The following RANBP2 variants were observed in gnomAD, a reference collection of about 807,000 sequenced individuals.
The protein encoded by RANBP2 is E3 SUMO-protein ligase RanBP2.
In RANBP2, 57 loss-of-function variants were observed where a neutral mutation model predicts 303.6. The observed-to-expected ratio is 0.19, with a 90% CI of 0.15 to 0.23. RANBP2 has a LOEUF of 0.23. Among genes scored for constraint, RANBP2 ranks in the 10% least tolerant of loss-of-function variants. The pLI is 1.00. For missense variants in RANBP2, 3,138 were observed against 3,780.8 expected (o/e 0.83, Z 4.46); for synonymous variants, 1,167 against 1,301.5 (o/e 0.90, Z 2.23).
chr2:109,734,869 A>G, the RANBP2 span, among the ~76,000 whole-genome samples: 1 of 151,992 alleles, frequency 6.6e-6, no homozygotes, highest in South Asian at 2.1e-4. Context: ...TTTCTTTTTT[A>G]TTTTTAATTG....
chr2:109,622,815 C>A, the RANBP2 span, among the ~76,000 whole-genome samples: 1 of 152,166 alleles, frequency 6.6e-6, no homozygotes, highest in Admixed American at 6.5e-5. Context: ...AATTTGCAAC[C>A]CACTAAAAGA....
At chr2:109,516,601 A>G in the RANBP2 span, among the ~76,000 whole-genome samples, 1 of 152,136 alleles carries the variant, frequency 6.6e-6, no homozygotes, top group Non-Finnish European at 1.5e-5. Flanking sequence ...AGCCACCCCA[A>G]CGCAAGGGAG....
the RANBP2 span, among the ~76,000 whole-genome samples, chr2:109,599,734 TAA>T: frequency 4.6e-5 from 7 of 152,208 alleles, no homozygotes; most frequent in Admixed American, 4.6e-4. Context: ...GCAGTTCATA[TAA>T]AAGAGTTAAG....
the RANBP2 span, among the ~76,000 whole-genome samples, chr2:108,988,057 A>G: frequency 6.6e-6 from 1 of 152,234 alleles, no homozygotes; most frequent in Non-Finnish European, 1.5e-5. Flanking sequence ...ACTGGGGAAG[A>G]GGACGGTGGT....
At chr2:109,077,513 A>G in the RANBP2 span, among the ~76,000 whole-genome samples, 1 of 144,686 alleles carries the variant, frequency 6.9e-6, no homozygotes, top group Non-Finnish European at 1.5e-5. Context: ...AATCAATGAA[A>G]TGAAAAAGCA....
chr2:109,315,899 G>T, the RANBP2 span, among the ~76,000 whole-genome samples: 2 of 152,166 alleles, frequency 1.3e-5, no homozygotes, highest in Non-Finnish European at 1.5e-5. Flanking sequence ...CGTCACCTGC[G>T]ACCAGCATAG....
the RANBP2 span, among the ~76,000 whole-genome samples, chr2:109,671,218 G>A: frequency 6.6e-6 from 1 of 152,230 alleles, no homozygotes. Context: ...TGGTCCTGCA[G>A]CTTGCCTCGC....
Position 108,740,602 on chromosome 2 carries a change from A to T in RANBP2, c.896A>T (p.Lys299Met). Residue 299 changes from lysine (K) to methionine (M), a missense_variant, in exon 7 of 29, where the codon AAG becomes ATG. Around this residue, in one of 20 missense-constraint regions of RANBP2, gnomAD observed 306 missense variants for 381.9 expected, o/e 0.80. Transcript: ENST00000283195. ...FYMHAGSLLL[K>M]MGQHSSNVQW... ...ATGCATGCTGGTTCTCTGCTTTTGA[A>T]GATGGGTCAGCATAGTAGTAATGTT... is the stretch of plus-strand genomic sequence containing the variant. The T allele has an allele frequency of 6.3e-7, 1 of 1,597,562 alleles. No homozygotes were observed.
At chr2:109,606,282 G>A in the RANBP2 span, among the ~76,000 whole-genome samples, 613 of 152,152 alleles carry the variant, frequency 4.0e-3, 6 homozygotes, top group African/African-American at 0.014. Flanking sequence ...GGGTGTGGTG[G>A]CACATGCCTG....
chr2:109,699,059 G>T, the RANBP2 span, among the ~76,000 whole-genome samples: 3 of 152,236 alleles, frequency 2.0e-5, no homozygotes, highest in Admixed American at 6.5e-5. Flanking sequence ...AACCCCAGTT[G>T]TAAGGTGTGC....
chr2:108,750,419 G>A (rs1403391172), intron 9 of RANBP2, among the ~76,000 whole-genome samples: 2 of 152,114 alleles, frequency 1.3e-5, no homozygotes, highest in East Asian at 1.9e-4. Flanking sequence ...TCAACAAAAA[G>A]TGTCTTCATT....
At chr2:109,655,272 C>T in the RANBP2 span, among the ~76,000 whole-genome samples, 1 of 152,190 alleles carries the variant, frequency 6.6e-6, no homozygotes, top group Non-Finnish European at 1.5e-5. Context: ...TCCGTTCCCA[C>T]TGCTTTCAAC....
At chr2:108,877,359 G>A in the RANBP2 span, among the ~76,000 whole-genome samples, 176 of 151,938 alleles carry the variant, frequency 1.2e-3, 1 homozygote, top group African/African-American at 4.0e-3. Context: ...CTAGCTACTC[G>A]GGAGGCTGAG....
the RANBP2 span, among the ~76,000 whole-genome samples, chr2:109,282,419 G>A: frequency 6.6e-6 from 1 of 152,182 alleles, no homozygotes; most frequent in African/African-American, 2.4e-5. Context: ...ACTGGGAGAA[G>A]CTCTAGGAAT....
At position 108,784,005 on chromosome 2, in the gene RANBP2, C is replaced by G; in HGVS notation, c.*104C>G. Reference sequence around the variant, plus strand: ...TTCAGCTTTTGAAAATGGACGTTTCCGATTTACAAATGTAAAATTGCAGCT... The same window carrying G: ...TTCAGCTTTTGAAAATGGACGTTTCGGATTTACAAATGTAAAATTGCAGCT... On this transcript the variant is annotated 3_prime_UTR_variant, in exon 29 of 29. Transcript: ENST00000283195. 8.9e-7 allele frequency: 1 copy of G among 1,122,402 alleles called. No homozygotes were observed. Among genetic ancestry groups the G allele is most frequent in the Non-Finnish European group, 1.3e-6 (1 of 786,624 alleles). 69.5% of individuals were successfully genotyped at this position (1,122,402 alleles called of 1,614,324 possible). A position where few individuals can be genotyped will look rare whatever the true frequency, so the allele number is the denominator to read the frequency against.
chr2:109,491,457 C>T, the RANBP2 span, among the ~76,000 whole-genome samples: 1 of 152,206 alleles, frequency 6.6e-6, no homozygotes, highest in African/African-American at 2.4e-5. Context: ...CAGACTGAAC[C>T]CTTTGAAATT....
the RANBP2 span, among the ~76,000 whole-genome samples, chr2:109,433,182 T>C: frequency 6.6e-6 from 1 of 152,246 alleles, no homozygotes; most frequent in East Asian, 1.9e-4. Flanking sequence ...CATGTGTGTA[T>C]GCAGTGTGTA....
In RANBP2 at chr2:108,764,332, G is replaced by A. The variant is rs1199967060; in HGVS notation, c.3793G>A (p.Val1265Ile). The A allele has an allele frequency of 6.2e-7, 1 of 1,613,700 alleles. No homozygotes were observed. The highest frequency in any genetic ancestry group is 8.5e-7 in the Non-Finnish European group (1 of 1,179,962). The change falls in exon 20 of 29, where the codon GTA becomes ATA. Residue 1265 changes from valine (V) to isoleucine (I), a missense_variant. Physicochemically the swap from Val to Ile is conservative, Grantham distance 29. Around this residue, in one of 20 missense-constraint regions of RANBP2, gnomAD observed 72 missense variants for 119.5 expected, o/e 0.60. Transcript: ENST00000283195. Reference protein sequence around the residue: ...TPNAGSDRSFVWHALDYADEL... With the variant: ...TPNAGSDRSFIWHALDYADEL... The stretch of plus-strand genomic sequence containing the variant: ...AAATGCTGGATCAGACAGATCTTTT[G>A]TATGGCATGCCCTTGATTATGCAGA...
the RANBP2 span, among the ~76,000 whole-genome samples, chr2:109,104,664 A>G: frequency 6.6e-6 from 1 of 151,902 alleles, no homozygotes; most frequent in Non-Finnish European, 1.5e-5. Context: ...TTGTATTTTT[A>G]GTAGAGACGG....
Sources: allele counts gnomAD v4.1 joint callset (sites outside exome capture counted in the v4.1 genomes callset), GRCh38; gene constraint gnomAD v4.1.1; regional missense constraint gnomAD v4.1.1; transcripts MANE v1.5; gene names NCBI Gene and HGNC (gene_info 2026-07-23, HGNC 2026-07-21).